Variants in TASP1 observed in about 807,000 individuals in gnomAD.
TASP1 encodes threonine aspartase 1.
TASP1 carries 16 observed loss-of-function variants against 56.6 expected under a neutral mutation model. The observed-to-expected ratio is 0.28, with a 90% CI of 0.19 to 0.43. The LOEUF is 0.43. TASP1 is among the 20% of genes least tolerant of loss of function. TASP1 has a pLI of 1.00. For synonymous variants in TASP1, 179 were observed against 184.2 expected (o/e 0.97, Z 0.23); for missense variants, 393 against 511.6 (o/e 0.77, Z 2.24).
chr20:13,439,700 GGGC>G (rs2043147764), intron 11 of TASP1, among the ~76,000 whole-genome samples: 2 of 151,802 alleles, frequency 1.3e-5, no homozygotes, highest in South Asian at 4.2e-4. Flanking sequence ...GGGAAAATTT[GGGC>G]AAGTGTCCTG....
chr20:13,191,401 T>C, the TASP1 span, among the ~76,000 whole-genome samples: 1 of 152,208 alleles, frequency 6.6e-6, no homozygotes, highest in Non-Finnish European at 1.5e-5. Flanking sequence ...TAGAATAGTA[T>C]TCATCTATTA....
intron 4 of TASP1, among the ~76,000 whole-genome samples, chr20:13,590,218 G>A (rs754058244): frequency 2.0e-5 from 3 of 151,776 alleles, no homozygotes; most frequent in Non-Finnish European, 4.4e-5. Flanking sequence ...TGGGTGACAG[G>A]GCGAGACTCT....
At chr20:13,351,610 T>C in the TASP1 span, among the ~76,000 whole-genome samples, 1 of 152,174 alleles carries the variant, frequency 6.6e-6, no homozygotes, top group Non-Finnish European at 1.5e-5. Context: ...GAGAATAGAT[T>C]AGTGGTTGCT....
At chr20:13,133,298 G>A in the TASP1 span, among the ~76,000 whole-genome samples, 1 of 152,136 alleles carries the variant, frequency 6.6e-6, no homozygotes, top group African/African-American at 2.4e-5. Context: ...CATGCTTGCT[G>A]CATTCTAACA....
chr20:13,141,211 C>T, the TASP1 span, among the ~76,000 whole-genome samples: 1 of 152,188 alleles, frequency 6.6e-6, no homozygotes, highest in African/African-American at 2.4e-5. Flanking sequence ...TCTCATAAGA[C>T]ATTGATTGTC....
chr20:13,459,600 C>T (rs988975913), intron 11 of TASP1, among the ~76,000 whole-genome samples: 1 of 152,172 alleles, frequency 6.6e-6, no homozygotes, highest in Admixed American at 6.5e-5. Flanking sequence ...ACCCTTAATG[C>T]TGCCTGGCAA....
At chr20:13,218,652 G>A in the TASP1 span, among the ~76,000 whole-genome samples, 33,477 of 152,202 alleles carry the variant, frequency 0.22, 4,083 homozygotes, top group Non-Finnish European at 0.28. Context: ...TCATAAATGT[G>A]CTTGAAACTT....
intron 10 of TASP1, among the ~76,000 whole-genome samples, chr20:13,492,014 C>T (rs2043549738): frequency 6.6e-6 from 1 of 152,104 alleles, no homozygotes; most frequent in Admixed American, 6.6e-5. Context: ...TAAACCACTC[C>T]CACCTCAATT....
At chr20:13,311,243 T>TAGATAGATAGATAGATGATTGATA in the TASP1 span, among the ~76,000 whole-genome samples, 1 of 127,924 alleles carries the variant, frequency 7.8e-6, no homozygotes, top group African/African-American at 2.9e-5. Context: ...GATAGATAGA[T>TAGATAGATAGATAGATGATTGATA]GATAGATAGA....
chr20:13,373,330 G>C, the TASP1 span, among the ~76,000 whole-genome samples: 4 of 151,832 alleles, frequency 2.6e-5, no homozygotes, highest in African/African-American at 9.7e-5. Flanking sequence ...TTTCATAATT[G>C]CAATTATCAG....
At chr20:13,298,509 T>C in the TASP1 span, among the ~76,000 whole-genome samples, 1 of 152,220 alleles carries the variant, frequency 6.6e-6, no homozygotes, top group Admixed American at 6.5e-5. Flanking sequence ...GAAAATATCC[T>C]CTTTTTTGTA....
chr20:13,469,090 G>A (rs534054667), intron 11 of TASP1, among the ~76,000 whole-genome samples: 7 of 152,028 alleles, frequency 4.6e-5, no homozygotes, highest in Non-Finnish European at 7.4e-5. Flanking sequence ...TCTTTTTAAC[G>A]TAACGCAAGA....
chr20:13,608,379 T>C (rs1019494032), intron 4 of TASP1, among the ~76,000 whole-genome samples: 1 of 152,240 alleles, frequency 6.6e-6, no homozygotes, highest in African/African-American at 2.4e-5. Context: ...GATTCCTCTG[T>C]GGTAGCACAG....
chr20:13,139,468 C>G, the TASP1 span, among the ~76,000 whole-genome samples: 5 of 152,324 alleles, frequency 3.3e-5, no homozygotes, highest in East Asian at 9.6e-4. Context: ...AACCCAGCCT[C>G]CTTCCATTTT....
At chr20:13,478,116 T>C (rs966833975) in intron 11 of TASP1, among the ~76,000 whole-genome samples, 3 of 152,086 alleles carry the variant, frequency 2.0e-5, no homozygotes, top group Non-Finnish European at 4.4e-5. Context: ...GAAAAATACA[T>C]AAAAACAAAT....
At chr20:13,160,267 G>A in the TASP1 span, 1 of 1,095,914 alleles carries the variant, frequency 9.1e-7, no homozygotes, top group Non-Finnish European at 1.2e-6. Context: ...AAAAGTCACT[G>A]CCAAAAAACA....
the TASP1 span, among the ~76,000 whole-genome samples, chr20:13,201,622 T>C: frequency 9.2e-5 from 14 of 151,780 alleles, no homozygotes; most frequent in Non-Finnish European, 1.5e-4. Flanking sequence ...ACATCCAGAT[T>C]TTTACTCTGG....
At chr20:13,120,342 A>G in the TASP1 span, among the ~76,000 whole-genome samples, 1 of 152,222 alleles carries the variant, frequency 6.6e-6, no homozygotes, top group Non-Finnish European at 1.5e-5. Context: ...TGTATACAAA[A>G]GCAACAAAAT....
intron 4 of TASP1, among the ~76,000 whole-genome samples, chr20:13,612,576 T>C (rs763189167): frequency 2.4e-4 from 36 of 151,186 alleles, no homozygotes; most frequent in South Asian, 8.3e-4. Flanking sequence ...AATGTTCAGG[T>C]AACATGCAAA....
Sources: gnomAD v4.1 joint callset for allele counts (sites outside exome capture counted in the v4.1 genomes callset) on GRCh38, gnomAD v4.1.1 for gene constraint, MANE v1.5 for transcripts, NCBI Gene and HGNC (gene_info 2026-07-23, HGNC 2026-07-21) for gene names.